ADGRG2: variants seen among roughly 807,000 people sequenced by gnomAD.
ADGRG2 encodes the protein adhesion G protein-coupled receptor G2, also known as G protein-coupled receptor 64.
Under a neutral mutation model 74.1 loss-of-function variants are expected in ADGRG2, and 26 were observed. The observed-to-expected ratio is 0.35, with a 90% CI of 0.26 to 0.49. ADGRG2 has a LOEUF of 0.49. ADGRG2 is among the 20% of genes least tolerant of loss of function. The probability of loss-of-function intolerance (pLI) is 0.99; values close to 1 mark genes in which losing one functional copy is unlikely to be tolerated. For missense variants in ADGRG2, 619 were observed against 763.1 expected (o/e 0.81, Z 2.22); for synonymous variants, 296 against 295.2 (o/e 1.00, Z -0.03).
chrX:19,069,345 G>GT (rs891317017), intron 2 of ADGRG2, among the ~76,000 whole-genome samples: 8 of 110,307 alleles, frequency 7.3e-5, no homozygotes, highest in South Asian at 3.9e-4. Context: ...TCCTATTCAT[G>GT]TTTTTTTTGT....
intron 1 of ADGRG2, among the ~76,000 whole-genome samples, chrX:19,107,742 A>G (rs1306170839): frequency 2.7e-5 from 3 of 109,292 alleles, no homozygotes; most frequent in Non-Finnish European, 5.7e-5. Flanking sequence ...ATATTTTAAA[A>G]TGATGATATG....
intron 1 of ADGRG2, among the ~76,000 whole-genome samples, chrX:19,108,758 A>C (rs1325352168): frequency 9.0e-6 from 1 of 111,707 alleles, no homozygotes; most frequent in Non-Finnish European, 1.9e-5. Context: ...AGTGAGTGAA[A>C]GGAGGCAAGA....
rs780575905 is a variant in ADGRG2 at position 19,055,730 on chromosome X, A to ATT, written c.118+12985_118+12986dup. Among the ~76,000 whole-genome samples the ATT allele has an allele frequency of 4.4e-3, 414 of 94,830 alleles. 4 individuals carry two copies. The highest frequency in any genetic ancestry group is 0.015 in the African/African-American group (390 of 25,935). 82.3% of individuals were successfully genotyped at this position (94,830 alleles called of 115,157 possible). On this transcript the variant is annotated intron_variant, in intron 3 of 28. Transcript: ENST00000379869. ...GAGAGTGATGGGAATCAGGTGGGAG[A>ATT]TTTTTTTTTTTTTTTTTGAGATGGA...
intron 1 of ADGRG2, among the ~76,000 whole-genome samples, chrX:19,101,467 G>A (rs951326448): frequency 9.0e-6 from 1 of 110,573 alleles, no homozygotes. Context: ...TTGGGAGGCC[G>A]AGGTGGGCGA....
chrX:19,059,792 A>G (rs1248617109), intron 3 of ADGRG2, among the ~76,000 whole-genome samples: 1 of 109,427 alleles, frequency 9.1e-6, no homozygotes, highest in African/African-American at 3.3e-5. Context: ...ACTATGTAGT[A>G]GTACTAAAGA....
intron 1 of ADGRG2, among the ~76,000 whole-genome samples, chrX:19,112,437 C>A (rs1470509402): frequency 9.1e-6 from 1 of 110,193 alleles, no homozygotes; most frequent in African/African-American, 3.3e-5. Context: ...GAAAGAAAAA[C>A]CAATAACTAC....
chrX:19,050,263 T>G, intron 3 of ADGRG2, among the ~76,000 whole-genome samples: 1 of 111,259 alleles, frequency 9.0e-6, no homozygotes. Flanking sequence ...GGCTGGAGAC[T>G]GGGGCATTTA....
At chrX:18,998,686 G>C (rs781718219) in intron 26 of ADGRG2, among the ~76,000 whole-genome samples, 1 of 103,139 alleles carries the variant, frequency 9.7e-6, no homozygotes, top group East Asian at 3.1e-4. Flanking sequence ...TTTTCCAACA[G>C]CATGTACTCA....
chrX:18,997,557 G>A (rs780435141), intron 26 of ADGRG2, among the ~76,000 whole-genome samples: 10 of 112,398 alleles, frequency 8.9e-5, no homozygotes, highest in African/African-American at 3.2e-4. Flanking sequence ...AAAAGAATTT[G>A]CTCATGTTTT....
intron 17 of ADGRG2, 152 bp downstream of exon 17, chrX:19,010,461 C>A: frequency 2.1e-6 from 1 of 466,647 alleles, no homozygotes; most frequent in Non-Finnish European, 3.6e-6. Flanking sequence ...CATCTGTCTC[C>A]TCATTCTAAG....
At position 19,068,710 on chromosome X, in the gene ADGRG2, A is replaced by T. The variant is rs766753064; in HGVS notation, c.118+7T>A. 47 of 826,082 alleles carry T rather than the reference A, an allele frequency of 5.7e-5. No individual in the cohort carries two copies. The highest frequency in any genetic ancestry group is 7.9e-5 in the Non-Finnish European group (45 of 572,148). 68.1% of individuals were successfully genotyped at this position (826,082 alleles called of 1,213,427 possible). ...AAAAAAAAAATGAAGAAAAACAGAC[A>T]CATTACCTTCCAGGGATGTTACCAG... is the stretch of plus-strand genomic sequence containing the variant. On this transcript the variant is annotated splice_region_variant and intron_variant, in intron 3 of 28. Coordinates refer to ENST00000379869, the MANE Select transcript of ADGRG2 (RefSeq NM_001079858.3).
intron 24 of ADGRG2, among the ~76,000 whole-genome samples, chrX:19,001,436 A>G (rs927267247): frequency 1.8e-5 from 2 of 111,974 alleles, no homozygotes; most frequent in African/African-American, 6.5e-5. Flanking sequence ...AGTGCCTGGT[A>G]AAATCAAATC....
In ADGRG2 at chrX:19,006,321, A is replaced by G. The variant is rs895047918; in HGVS notation, c.1690-56T>C. 2.5e-5 allele frequency: 19 copies of G among 763,515 alleles called. No homozygotes were observed. The African/African-American group carries it at 3.8e-4, about 15-fold the overall frequency. The allele number at this position is 763,515 out of a possible 1,213,427, so 62.9% of individuals were successfully genotyped here. On this transcript the variant is annotated intron_variant, in intron 20 of 28. Coordinates refer to ENST00000379869, the MANE Select transcript of ADGRG2 (RefSeq NM_001079858.3). The stretch of plus-strand genomic sequence containing the variant: ...AATTTACTGAACTAAAAAAAAAAAA[A>G]GCAAAACTGAAAGGTATTTGAAAAG...
intron 9 of ADGRG2, among the ~76,000 whole-genome samples, chrX:19,030,703 T>C (rs1020669353): frequency 2.0e-4 from 22 of 112,381 alleles, no homozygotes; most frequent in Non-Finnish European, 3.8e-4. Flanking sequence ...ATTCTAAGGG[T>C]ATTAGTTATG....
intron 3 of ADGRG2, among the ~76,000 whole-genome samples, chrX:19,059,535 T>A (rs956774705): frequency 9.0e-6 from 1 of 111,248 alleles, no homozygotes; most frequent in African/African-American, 3.3e-5. Context: ...TACAGGAGTG[T>A]CCAGTTGTGT....
Position 18,999,936 on chromosome X carries a change from A to T in ADGRG2, c.2255T>A (p.Ile752Asn). The T allele has an allele frequency of 8.6e-7, 1 of 1,169,486 alleles. No individual in the cohort carries two copies. Among genetic ancestry groups the T allele is most frequent in the African/African-American group, 1.8e-5 (1 of 56,651 alleles). The stretch of plus-strand genomic sequence containing the variant: ...GTTATCTGGGGATATAGTCAGGATG[A>T]TGGTCACAACCACAGCTGGTACCCC... ...GWGVPAVVVT[I>N]ILTISPDNYG... is the part of the protein sequence containing the mutation. Residue 752 changes from isoleucine (I) to asparagine (N), a missense_variant, in exon 25 of 29, where the codon ATC becomes AAC. Ile to Asn is a moderately radical substitution (Grantham distance 149). This residue lies in a region of ADGRG2 where 221 missense variants were observed against 340.6 expected (regional missense o/e 0.65). Coordinates refer to ENST00000379869, the MANE Select transcript of ADGRG2 (RefSeq NM_001079858.3).
intron 3 of ADGRG2, among the ~76,000 whole-genome samples, chrX:19,052,407 G>T (rs977354072): frequency 9.0e-6 from 1 of 111,230 alleles, no homozygotes; most frequent in Non-Finnish European, 1.9e-5. Flanking sequence ...AAAAGATGGT[G>T]GCCAAGCTAC....
At chrX:19,120,860 T>C (rs1184768058) in intron 1 of ADGRG2, among the ~76,000 whole-genome samples, 1 of 112,458 alleles carries the variant, frequency 8.9e-6, no homozygotes, top group African/African-American at 3.2e-5. Context: ...CAAATCATTT[T>C]ACCCCAAAAT....
At chrX:19,111,898 A>G (rs1449023927) in intron 1 of ADGRG2, among the ~76,000 whole-genome samples, 1 of 111,154 alleles carries the variant, frequency 9.0e-6, no homozygotes. Context: ...GAAAATATGA[A>G]TTATTTGATA....
Sources: gnomAD v4.1 joint callset for allele counts (sites outside exome capture counted in the v4.1 genomes callset) on GRCh38, gnomAD v4.1.1 for gene constraint, gnomAD v4.1.1 regional missense constraint, MANE v1.5 for transcripts, NCBI Gene and HGNC (gene_info 2026-07-23, HGNC 2026-07-21) for gene names.